The following MGAT5 variants were observed in gnomAD, a reference collection of about 807,000 sequenced individuals.
The protein encoded by MGAT5 is alpha-1,6-mannosylglycoprotein 6-beta-N-acetylglucosaminyltransferase, also known as alpha-1,6-mannosylglycoprotein 6-beta-N-acetylglucosaminyltransferase A.
A neutral mutation model predicts 94.3 loss-of-function variants in MGAT5; 30 were observed. The observed-to-expected ratio is 0.32, with a 90% CI of 0.24 to 0.43. MGAT5 has a LOEUF of 0.43. Ranked by LOEUF, MGAT5 falls within the 20% of genes least tolerant of loss-of-function variation. MGAT5 has a pLI of 1.00. For missense variants in MGAT5, 691 were observed against 905.5 expected (o/e 0.76, Z 3.04); for synonymous variants, 310 against 322.9 (o/e 0.96, Z 0.43).
At chr2:134,182,780 GTTTTTTTTTTTT>G (rs5834402) in intron 1 of MGAT5, among the ~76,000 whole-genome samples, 1 of 87,052 alleles carries the variant, frequency 1.1e-5, no homozygotes, top group Non-Finnish European at 2.2e-5. Context: ...TAGAAGATTA[GTTTTTTTTTTTT>G]TTTTTTTTTT....
rs1273275881 is a variant in MGAT5, at chr2:134,387,330, A to AT, written c.1381-15657dup. ...TATATATATATATATATATATATAT[A>AT]TATTTTTTTTTTTTTTTTTTTTTAC... On this transcript the variant is annotated intron_variant, in intron 10 of 15. Transcript: ENST00000281923. 6.1e-4 allele frequency among the ~76,000 whole-genome samples: 24 copies of AT among 39,346 alleles called. No individual in the cohort carries two copies. The South Asian group carries it at 8.3e-3, about 14-fold the overall frequency. 25.8% of individuals were successfully genotyped at this position (39,346 alleles called of 152,430 possible). A position where few individuals can be genotyped will look rare whatever the true frequency, so the allele number is the denominator to read the frequency against.
rs1687581517 is a variant in MGAT5 at position 134,158,479 on chromosome 2, GA to G, written c.-143+38191del. Among the ~76,000 whole-genome samples, 11 of 152,314 alleles carry G rather than the reference GA, an allele frequency of 7.2e-5. 2 individuals are homozygous for G. The South Asian group carries it at 2.3e-3, about 32-fold the overall frequency. ...TAGGACTTGGCCTCGACTTTGCTCT[GA>G]AATCAGAGCTGGTGCCGGGAGCCGA... On this transcript the variant is annotated intron_variant, in intron 1 of 16. Transcript: ENST00000409645.
At chr2:134,325,438 G>A (rs573654268) in intron 4 of MGAT5, among the ~76,000 whole-genome samples, 2 of 152,138 alleles carry the variant, frequency 1.3e-5, no homozygotes, top group South Asian at 4.2e-4. Context: ...ACTCCTGTGT[G>A]CCCGTGATCC....
chr2:134,390,342 CTTTG>C (rs141225714), intron 10 of MGAT5, among the ~76,000 whole-genome samples: 2,154 of 152,060 alleles, frequency 0.014, 39 homozygotes, highest in African/African-American at 0.044. Flanking sequence ...ACTTCAGTTA[CTTTG>C]TTTGTTTGTT....
At chr2:134,277,953 T>C (rs1307193096) in intron 2 of MGAT5, among the ~76,000 whole-genome samples, 1 of 152,196 alleles carries the variant, frequency 6.6e-6, no homozygotes, top group Non-Finnish European at 1.5e-5. Context: ...ATCTCTTGGT[T>C]GCAAGAGGCC....
chr2:134,284,212 CT>C (rs1684871281), intron 2 of MGAT5, among the ~76,000 whole-genome samples: 1 of 152,206 alleles, frequency 6.6e-6, no homozygotes, highest in African/African-American at 2.4e-5. Flanking sequence ...AGTGCTGGAA[CT>C]TTTAGCTGCC....
At chr2:134,180,095 C>T (rs1223506203) in intron 1 of MGAT5, among the ~76,000 whole-genome samples, 4 of 152,214 alleles carry the variant, frequency 2.6e-5, no homozygotes, top group Non-Finnish European at 5.9e-5. Context: ...ACCTTCAGTT[C>T]CAGGAGCTCC....
intron 2 of MGAT5, among the ~76,000 whole-genome samples, chr2:134,295,806 A>C (rs975666165): frequency 1.3e-5 from 2 of 152,264 alleles, no homozygotes; most frequent in East Asian, 3.9e-4. Flanking sequence ...TCTTGCCTTA[A>C]TATAACAGAT....
At chr2:134,347,061 G>C (rs114639936) in intron 8 of MGAT5, among the ~76,000 whole-genome samples, 1 of 152,172 alleles carries the variant, frequency 6.6e-6, no homozygotes, top group African/African-American at 2.4e-5. Flanking sequence ...TAAGTCATTA[G>C]TCGGCCTATG....
At chr2:134,175,753 G>A (rs56173552) in intron 1 of MGAT5, among the ~76,000 whole-genome samples, 3,141 of 152,256 alleles carry the variant, frequency 0.021, 38 homozygotes, top group Non-Finnish European at 0.026. Flanking sequence ...TTCTCTCCAA[G>A]CCAGGTTTGG....
At chr2:134,215,976 T>C (rs1173533067) in intron 1 of MGAT5, among the ~76,000 whole-genome samples, 1 of 152,180 alleles carries the variant, frequency 6.6e-6, no homozygotes, top group Non-Finnish European at 1.5e-5. Context: ...GTTATCTGCT[T>C]GGTGCTTTTA....
At chr2:134,252,019 A>G (rs964749766), upstream of MGAT5, among the ~76,000 whole-genome samples, 2 of 152,212 alleles carry the variant, frequency 1.3e-5, no homozygotes, top group South Asian at 2.1e-4. Flanking sequence ...TTCATTTAGC[A>G]TAATGTCCTT....
chr2:134,418,592 G>A (rs1684104687), intron 12 of MGAT5, among the ~76,000 whole-genome samples: 1 of 152,208 alleles, frequency 6.6e-6, no homozygotes, highest in Admixed American at 6.5e-5. Context: ...ATATGAAAGA[G>A]TTATAGGACA....
Position 134,148,328 on chromosome 2 carries a change from G to T in MGAT5, c.-143+28037G>T, listed in dbSNP as rs145670735. 5.9e-5 allele frequency among the ~76,000 whole-genome samples: 9 copies of T among 152,252 alleles called. 1 individual carries two copies. The East Asian group carries it at 1.7e-3, about 29-fold the overall frequency. On this transcript the variant is annotated intron_variant, in intron 1 of 16. Coordinates refer to the MGAT5 transcript ENST00000409645. Reference sequence around the variant, plus strand: ...ACCTGGGGGAGTTTTAAGAATTCTAGCACTCTGGCCATACCCCAGACTAAT... The same window carrying T: ...ACCTGGGGGAGTTTTAAGAATTCTATCACTCTGGCCATACCCCAGACTAAT...
At chr2:134,321,658 C>T (rs561285361) in intron 4 of MGAT5, among the ~76,000 whole-genome samples, 20 of 152,284 alleles carry the variant, frequency 1.3e-4, no homozygotes, top group Non-Finnish European at 2.6e-4. Context: ...GTGTGAAATA[C>T]GCTTCATTAG....
chr2:134,426,433 T>C (rs531124267), intron 13 of MGAT5, among the ~76,000 whole-genome samples: 3 of 152,306 alleles, frequency 2.0e-5, no homozygotes, highest in African/African-American at 7.2e-5. Context: ...GAATTAACTT[T>C]CTTTCATTTT....
At chr2:134,388,073 G>A (rs1682141600) in intron 10 of MGAT5, among the ~76,000 whole-genome samples, 1 of 152,056 alleles carries the variant, frequency 6.6e-6, no homozygotes, top group Admixed American at 6.6e-5. Flanking sequence ...TAGAAGGGAG[G>A]CACAGAACTA....
exon 1 of MGAT5, chr2:134,120,225 C>A (rs1685499765): frequency 2.8e-6 from 1 of 355,162 alleles, no homozygotes; most frequent in Non-Finnish European, 5.0e-6. Flanking sequence ...CGCGACCTCG[C>A]GCCTCGGGCC....
At chr2:134,439,299 A>G (rs1685342105) in intron 14 of MGAT5, among the ~76,000 whole-genome samples, 2 of 152,240 alleles carry the variant, frequency 1.3e-5, no homozygotes, top group African/African-American at 2.4e-5. Context: ...AAAGGCTCAC[A>G]TAGCTGGTAA....
Sources: gnomAD v4.1 joint callset for allele counts (sites outside exome capture counted in the v4.1 genomes callset) on GRCh38, gnomAD v4.1.1 for gene constraint, MANE v1.5 for transcripts, NCBI Gene and HGNC (gene_info 2026-07-23, HGNC 2026-07-21) for gene names.